Variants in DCC observed in about 807,000 individuals in gnomAD.
DCC encodes DCC netrin 1 receptor.
In DCC, 58 loss-of-function variants were observed where a neutral mutation model predicts 172.5. The ratio of observed to expected loss-of-function variants is 0.34; its 90% CI spans 0.27 to 0.42. The LOEUF (loss-of-function observed/expected upper bound fraction) is 0.42, where lower values mean the gene tolerates loss of function less well. DCC is among the 10% of genes least tolerant of loss of function. DCC has a pLI of 1.00. For missense variants in DCC, 1,740 were observed against 1,791.0 expected, an observed-to-expected ratio of 0.97 and a Z score of 0.51; for synonymous variants, 709 against 644.5, an observed-to-expected ratio of 1.10 and a Z score of -1.52.
intron 27 of DCC, among the ~76,000 whole-genome samples, chr18:53,522,124 A>C (rs1022610029): frequency 6.6e-6 from 1 of 152,132 alleles, no homozygotes; most frequent in Non-Finnish European, 1.5e-5. Flanking sequence ...ATTCCTTTTT[A>C]AACTTTATGC....
At chr18:53,112,610 G>T (rs2043348631) in intron 7 of DCC, among the ~76,000 whole-genome samples, 1 of 151,468 alleles carries the variant, frequency 6.6e-6, no homozygotes, top group Non-Finnish European at 1.5e-5. Context: ...TAACATTTCA[G>T]CTGCCCTCAG....
chr18:52,345,471 A>G (rs917662041), intron 1 of DCC, among the ~76,000 whole-genome samples: 2 of 152,212 alleles, frequency 1.3e-5, no homozygotes, highest in African/African-American at 2.4e-5. Context: ...TTAAGGAATC[A>G]TAGCTTGGAA....
chr18:53,004,178 G>T (rs1348333369), intron 5 of DCC, among the ~76,000 whole-genome samples: 2 of 152,182 alleles, frequency 1.3e-5, no homozygotes, highest in African/African-American at 4.8e-5. Context: ...GGTTTAGGGA[G>T]TCTGTGAAAT....
chr18:52,641,239 C>T (rs1568269061), intron 1 of DCC, among the ~76,000 whole-genome samples: 1 of 152,138 alleles, frequency 6.6e-6, no homozygotes, highest in Non-Finnish European at 1.5e-5. Flanking sequence ...GAACTTAAAC[C>T]TAAGACCTGA....
intron 19 of DCC, among the ~76,000 whole-genome samples, chr18:53,404,612 T>C (rs1445874227): frequency 6.6e-6 from 1 of 151,976 alleles, no homozygotes; most frequent in Non-Finnish European, 1.5e-5. Flanking sequence ...GCACCTGTAG[T>C]CCCAGCTACT....
chr18:52,497,411 G>T (rs1434425863), intron 1 of DCC, among the ~76,000 whole-genome samples: 2 of 134,780 alleles, frequency 1.5e-5, no homozygotes, highest in East Asian at 4.3e-4. Context: ...GTGTATATAT[G>T]TATACACACA....
At chr18:52,764,697 C>A (rs58860888) in intron 2 of DCC, among the ~76,000 whole-genome samples, 77 of 152,256 alleles carry the variant, frequency 5.1e-4, no homozygotes, top group African/African-American at 1.7e-3. Flanking sequence ...CTTTCAAAAC[C>A]GAAAGCCAAA....
chr18:52,460,169 T>G (rs532289055), intron 1 of DCC, among the ~76,000 whole-genome samples: 1 of 152,192 alleles, frequency 6.6e-6, no homozygotes, highest in African/African-American at 2.4e-5. Context: ...TCTCTGTATA[T>G]CAAAACTTAC....
intron 5 of DCC, among the ~76,000 whole-genome samples, chr18:53,060,184 C>T (rs1034775163): frequency 1.3e-5 from 2 of 151,222 alleles, no homozygotes; most frequent in Admixed American, 6.6e-5. Flanking sequence ...TTATTTGTTG[C>T]TGTTGTTGTT....
chr18:53,119,804 G>A (rs1408396759), intron 7 of DCC, among the ~76,000 whole-genome samples: 1 of 151,734 alleles, frequency 6.6e-6, no homozygotes, highest in East Asian at 1.9e-4. Flanking sequence ...GTGCTGCTTA[G>A]GTAGTATTTT....
chr18:52,881,526 G>A (rs2039485892), intron 2 of DCC, among the ~76,000 whole-genome samples: 1 of 152,096 alleles, frequency 6.6e-6, no homozygotes, highest in Non-Finnish European at 1.5e-5. Context: ...TTTTGTATAT[G>A]GCAAGAGATA....
chr18:53,476,845 T>C (rs1347936193), intron 25 of DCC, among the ~76,000 whole-genome samples: 3 of 152,162 alleles, frequency 2.0e-5, no homozygotes, highest in Admixed American at 6.5e-5. Flanking sequence ...ATATTCTCAA[T>C]TTTCCCTGTG....
intron 24 of DCC, among the ~76,000 whole-genome samples, chr18:53,467,313 A>AT (rs2045634008): frequency 6.6e-6 from 1 of 151,900 alleles, no homozygotes; most frequent in Non-Finnish European, 1.5e-5. Flanking sequence ...GCATATATCC[A>AT]TTTTTTCTAA....
chr18:52,805,089 C>T (rs573189428), intron 2 of DCC, among the ~76,000 whole-genome samples: 2 of 152,216 alleles, frequency 1.3e-5, no homozygotes, highest in East Asian at 3.9e-4. Context: ...TTAAGGGTAG[C>T]AATTCTAGCT....
At chr18:53,051,678 A>G (rs2042335918) in intron 5 of DCC, among the ~76,000 whole-genome samples, 1 of 152,134 alleles carries the variant, frequency 6.6e-6, no homozygotes, top group Non-Finnish European at 1.5e-5. Flanking sequence ...GGATATTATC[A>G]TATGGAAATC....
At chr18:52,948,629 C>T (rs559079583) in intron 5 of DCC, among the ~76,000 whole-genome samples, 1 of 152,250 alleles carries the variant, frequency 6.6e-6, no homozygotes, top group South Asian at 2.1e-4. Flanking sequence ...TGTTCACCTT[C>T]TTTCTTCTCC....
At chr18:52,346,396 AATACAG>A (rs1275400694) in intron 1 of DCC, among the ~76,000 whole-genome samples, 1 of 152,228 alleles carries the variant, frequency 6.6e-6, no homozygotes, top group Non-Finnish European at 1.5e-5. Context: ...AAGATGGAGA[AATACAG>A]GTTGGCTGAC....
Position 53,218,203 on chromosome 18 carries a change from C to T in DCC, c.1911+2606C>T, listed in dbSNP as rs540820380. On this transcript the variant is annotated intron_variant, in intron 12 of 28. Transcript: ENST00000442544. ...TGGGATTTTAAGATGGAAGAGAACACACTTTGAAAACGTATTCTATATCAT... is the reference window on the plus strand; with the variant it reads ...TGGGATTTTAAGATGGAAGAGAACATACTTTGAAAACGTATTCTATATCAT... Among the ~76,000 whole-genome samples, 15 of 152,160 alleles carry T rather than the reference C, an allele frequency of 9.9e-5. 1 individual carries two copies. In the South Asian group the frequency reaches 2.9e-3, roughly 29 times the overall value.
At chr18:52,769,487 C>T (rs978210386) in intron 2 of DCC, among the ~76,000 whole-genome samples, 23 of 152,224 alleles carry the variant, frequency 1.5e-4, no homozygotes, top group South Asian at 4.1e-4. Context: ...TTATCAGATA[C>T]GTCTTCTGTA....
Sources: gnomAD v4.1 joint callset for allele counts (sites outside exome capture counted in the v4.1 genomes callset) on GRCh38, gnomAD v4.1.1 for gene constraint, MANE v1.5 for transcripts, NCBI Gene and HGNC (gene_info 2026-07-23, HGNC 2026-07-21) for gene names.